The following DTD1 variants were observed in gnomAD, a reference collection of about 807,000 sequenced individuals.
DTD1 encodes D-aminoacyl-tRNA deacylase 1.
Under a neutral mutation model 25.6 loss-of-function variants are expected in DTD1, and 13 were observed. That is an observed-to-expected ratio of 0.51 (90% CI 0.33 to 0.81). The LOEUF is 0.81. Ranked by LOEUF, DTD1 falls within the 30% of genes least tolerant of loss-of-function variation. DTD1 has a pLI of 0.02. For synonymous variants in DTD1, 110 were observed against 103.6 expected (o/e 1.06, Z -0.37); for missense variants, 193 against 266.4 (o/e 0.72, Z 1.92).
chr20:18,683,616 C>T (rs1161104540), intron 4 of DTD1, among the ~76,000 whole-genome samples: 6 of 152,152 alleles, frequency 3.9e-5, no homozygotes, highest in Admixed American at 6.5e-5. Flanking sequence ...TTCCAAAGTC[C>T]TATCTGAGTG....
chr20:18,599,872 T>C (rs2060626603), intron 3 of DTD1, among the ~76,000 whole-genome samples: 1 of 152,246 alleles, frequency 6.6e-6, no homozygotes, highest in Non-Finnish European at 1.5e-5. Flanking sequence ...ATTGTTTTCT[T>C]ACTGTGTTTT....
chr20:18,594,295 T>A (rs745743365), intron 2 of DTD1, among the ~76,000 whole-genome samples: 3 of 152,158 alleles, frequency 2.0e-5, no homozygotes, highest in Non-Finnish European at 2.9e-5. Context: ...CTGGGCTCCC[T>A]GACCTTGAAG....
At chr20:18,611,364 A>G (rs1350987947) in intron 3 of DTD1, among the ~76,000 whole-genome samples, 1 of 152,204 alleles carries the variant, frequency 6.6e-6, no homozygotes, top group African/African-American at 2.4e-5. Context: ...CAGCTCCAGT[A>G]TGAAAAGGCT....
chr20:18,761,922 C>G (rs572044813), intron 5 of DTD1, among the ~76,000 whole-genome samples: 2 of 152,232 alleles, frequency 1.3e-5, no homozygotes, highest in Non-Finnish European at 2.9e-5. Context: ...TGTCTGTTCT[C>G]CACCCACTGG....
intron 5 of DTD1, among the ~76,000 whole-genome samples, chr20:18,759,441 A>G (rs1011984044): frequency 2.6e-5 from 4 of 152,160 alleles, no homozygotes; most frequent in African/African-American, 7.2e-5. Flanking sequence ...GTGGTGACCA[A>G]TCTCTCAGCA....
chr20:18,594,407 C>A (rs1231660677), intron 2 of DTD1, among the ~76,000 whole-genome samples: 1 of 152,128 alleles, frequency 6.6e-6, no homozygotes, highest in African/African-American at 2.4e-5. Flanking sequence ...GCAAACTCGA[C>A]TATAGAAAGG....
chr20:18,751,189 G>A (rs1442994297), intron 5 of DTD1, among the ~76,000 whole-genome samples: 3 of 152,086 alleles, frequency 2.0e-5, no homozygotes, highest in African/African-American at 4.8e-5. Flanking sequence ...TTGCTTCCCT[G>A]TATCAACATT....
chr20:18,589,628 A>G (rs961650278), intron 1 of DTD1, among the ~76,000 whole-genome samples: 4 of 152,216 alleles, frequency 2.6e-5, no homozygotes, highest in Non-Finnish European at 5.9e-5. Flanking sequence ...GGGAAAATTC[A>G]TAGATGAAAG....
chr20:18,588,295 C>G (rs1316155208), intron 1 of DTD1, among the ~76,000 whole-genome samples, 180 bp downstream of exon 1: 1 of 152,012 alleles, frequency 6.6e-6, no homozygotes, highest in Non-Finnish European at 1.5e-5. Flanking sequence ...CGGGGCAGCG[C>G]GGCGGCCGGA....
intron 4 of DTD1, among the ~76,000 whole-genome samples, chr20:18,737,779 G>C (rs78576601): frequency 0.017 from 2,521 of 152,314 alleles, 27 homozygotes; most frequent in South Asian, 0.045. Flanking sequence ...TTCAGCCTTC[G>C]GGACAGAAAA....
At chr20:18,721,449 T>C (rs1409311422) in intron 4 of DTD1, among the ~76,000 whole-genome samples, 1 of 152,240 alleles carries the variant, frequency 6.6e-6, no homozygotes. Flanking sequence ...CAGATTTTAG[T>C]TTGTTAATAC....
chr20:18,747,620 C>T (rs970196049), intron 5 of DTD1, among the ~76,000 whole-genome samples: 4 of 152,194 alleles, frequency 2.6e-5, no homozygotes, highest in Admixed American at 6.5e-5. Context: ...GCTTCCCAGC[C>T]TTAATGCTCA....
intron 4 of DTD1, among the ~76,000 whole-genome samples, chr20:18,679,670 T>TC (rs11481912): frequency 0.36 from 54,891 of 151,948 alleles, 10,240 homozygotes; most frequent in Non-Finnish European, 0.41. Context: ...GGCTGGTTAT[T>TC]CCCTCACTGC....
intron 3 of DTD1, among the ~76,000 whole-genome samples, chr20:18,611,587 G>A (rs569549788): frequency 6.6e-5 from 10 of 152,180 alleles, no homozygotes; most frequent in South Asian, 4.2e-4. Context: ...AGAGAAGATC[G>A]TTGTCCCCTT....
At chr20:18,692,994 G>T (rs1343987537) in intron 4 of DTD1, among the ~76,000 whole-genome samples, 1 of 148,574 alleles carries the variant, frequency 6.7e-6, no homozygotes, top group Non-Finnish European at 1.5e-5. Flanking sequence ...GGGTTCAAGC[G>T]ATTCTCCTGC....
At chr20:18,602,205 G>A (rs2060638301) in intron 3 of DTD1, among the ~76,000 whole-genome samples, 2 of 107,148 alleles carry the variant, frequency 1.9e-5, no homozygotes, top group African/African-American at 3.4e-5. Flanking sequence ...GAAATGAAGC[G>A]AGAAGGGAAG....
intron 4 of DTD1, among the ~76,000 whole-genome samples, chr20:18,728,047 G>A (rs1393866739): frequency 6.6e-6 from 1 of 152,204 alleles, no homozygotes; most frequent in African/African-American, 2.4e-5. Flanking sequence ...CATTGTGAGT[G>A]TGTGGGATAG....
intron 4 of DTD1, among the ~76,000 whole-genome samples, chr20:18,672,998 A>G (rs1253956991): frequency 6.6e-6 from 1 of 152,222 alleles, no homozygotes; most frequent in Non-Finnish European, 1.5e-5. Flanking sequence ...GCATGGCGAT[A>G]CTGAGCACGG....
intron 4 of DTD1, among the ~76,000 whole-genome samples, chr20:18,732,914 G>A (rs1486389004): frequency 1.3e-5 from 2 of 152,192 alleles, no homozygotes; most frequent in African/African-American, 2.4e-5. Flanking sequence ...ACCAATGTAA[G>A]CGTCTGGTTA....
Sources: gnomAD v4.1 joint callset for allele counts (sites outside exome capture counted in the v4.1 genomes callset) on GRCh38, gnomAD v4.1.1 for gene constraint, MANE v1.5 for transcripts, NCBI Gene and HGNC (gene_info 2026-07-23, HGNC 2026-07-21) for gene names.